PDS5A: variants seen among roughly 807,000 people sequenced by gnomAD.
The protein encoded by PDS5A is PDS5 cohesin associated factor A.
In PDS5A, 42 loss-of-function variants were observed where a neutral mutation model predicts 167.1. The observed-to-expected ratio is 0.25, with a 90% CI of 0.20 to 0.33. The LOEUF is 0.33. PDS5A is among the 10% of genes least tolerant of loss of function. The pLI is 1.00. For missense variants in PDS5A, 1,033 were observed against 1,605.9 expected, an observed-to-expected ratio of 0.64 and a Z score of 6.10; for synonymous variants, 553 against 554.6, an observed-to-expected ratio of 1.00 and a Z score of 0.04.
chr4:39,951,920 A>AAAG (rs58625322), intron 2 of PDS5A, among the ~76,000 whole-genome samples: 1 of 150,928 alleles, frequency 6.6e-6, no homozygotes, highest in African/African-American at 2.4e-5. Context: ...AAAAAAAAAA[A>AAAG]TCTGTATCAC....
At chr4:39,925,471 C>A (rs1725374253) in intron 5 of PDS5A, among the ~76,000 whole-genome samples, 1 of 152,160 alleles carries the variant, frequency 6.6e-6, no homozygotes, top group African/African-American at 2.4e-5. Context: ...TTTAATACTT[C>A]ATTGTATTAA....
intron 26 of PDS5A, among the ~76,000 whole-genome samples, chr4:39,851,218 A>G (rs1449853774): frequency 6.6e-6 from 1 of 152,208 alleles, no homozygotes; most frequent in Admixed American, 6.5e-5. Context: ...CATTAGGCTA[A>G]GCACTTTACC....
intron 7 of PDS5A, among the ~76,000 whole-genome samples, chr4:39,919,197 G>A (rs1016168709): frequency 6.6e-6 from 1 of 151,532 alleles, no homozygotes; most frequent in African/African-American, 2.4e-5. Flanking sequence ...ATATATAAAT[G>A]TTAGATTCAC....
intron 17 of PDS5A, among the ~76,000 whole-genome samples, chr4:39,888,490 C>T (rs1185814661): frequency 6.6e-6 from 1 of 151,786 alleles, no homozygotes; most frequent in Non-Finnish European, 1.5e-5. Context: ...GAGATATCTG[C>T]AGTCCTATGT....
intron 32 of PDS5A, among the ~76,000 whole-genome samples, chr4:39,830,808 GATCT>G (rs930973356): frequency 1.8e-4 from 28 of 152,250 alleles, no homozygotes; most frequent in Middle Eastern, 3.4e-3. Context: ...AAAAACATCT[GATCT>G]ATCTCTCGGT....
At chr4:39,965,396 T>C (rs1259136226) in intron 2 of PDS5A, among the ~76,000 whole-genome samples, 1 of 152,188 alleles carries the variant, frequency 6.6e-6, no homozygotes, top group East Asian at 1.9e-4. Context: ...GTGAGCCCAG[T>C]AGCCATGTGT....
chr4:39,948,312 CTTTTTTTTTTT>C (rs552182165), intron 2 of PDS5A, among the ~76,000 whole-genome samples: 1 of 80,912 alleles, frequency 1.2e-5, no homozygotes. Flanking sequence ...TGAATCAAAC[CTTTTTTTTTTT>C]TTTTTTTTTT....
intron 31 of PDS5A, 84 bp downstream of exon 31, chr4:39,841,864 T>A (rs1717055204): frequency 1.1e-5 from 8 of 721,122 alleles, no homozygotes; most frequent in Non-Finnish European, 2.0e-5. Flanking sequence ...TGCATTGAAG[T>A]GTTGGCTGTA....
At chr4:39,832,464 C>T (rs1294436657) in intron 32 of PDS5A, among the ~76,000 whole-genome samples, 1 of 151,960 alleles carries the variant, frequency 6.6e-6, no homozygotes, top group Non-Finnish European at 1.5e-5. Context: ...CCACCCGCCT[C>T]CCAAAGTGCT....
At chr4:39,871,831 A>G (rs561802415) in intron 21 of PDS5A, among the ~76,000 whole-genome samples, 55 of 150,118 alleles carry the variant, frequency 3.7e-4, no homozygotes, top group Non-Finnish European at 5.9e-4. Context: ...AGCCTCCCGA[A>G]TAGCTGGGAT....
chr4:39,850,476 A>G (rs1227123605), intron 26 of PDS5A, among the ~76,000 whole-genome samples: 2 of 152,066 alleles, frequency 1.3e-5, no homozygotes, highest in Non-Finnish European at 2.9e-5. Flanking sequence ...ACCCTCTCAA[A>G]AGAAAACACA....
At chr4:39,893,079 C>G (rs1382736017) in intron 16 of PDS5A, among the ~76,000 whole-genome samples, 1 of 152,184 alleles carries the variant, frequency 6.6e-6, no homozygotes, top group African/African-American at 2.4e-5. Context: ...AAACGATATT[C>G]AAACCAAGGA....
At position 39,974,024 on chromosome 4, in the gene PDS5A, G is replaced by T. The variant is rs976508970; in HGVS notation, c.138+2416C>A. 6.5e-6 allele frequency: 3 copies of T among 461,006 alleles called. No individual in the cohort carries two copies. The Admixed American group carries it at 9.4e-5, about 14-fold the overall frequency. The allele number at this position is 461,006 out of a possible 1,614,324, so 28.6% of individuals were successfully genotyped here. On this transcript the variant is annotated intron_variant, in intron 2 of 32. Coordinates refer to ENST00000303538, the MANE Select transcript of PDS5A (RefSeq NM_001100399.2). ...GCCCGTGGTCCCAGCTACTCGGGAG[G>T]CTGAGGCAGGAGAATGGCGTGAACC...
intron 9 of PDS5A, 127 bp downstream of exon 9, chr4:39,913,484 A>T (rs1476009599): frequency 1.7e-6 from 1 of 589,958 alleles, no homozygotes; most frequent in Non-Finnish European, 3.0e-6. Flanking sequence ...AGAAGGATGG[A>T]AACACAGATG....
chr4:39,954,324 C>T (rs762665961), intron 2 of PDS5A, among the ~76,000 whole-genome samples: 2 of 151,998 alleles, frequency 1.3e-5, no homozygotes, highest in African/African-American at 4.8e-5. Flanking sequence ...GGTGCCACTG[C>T]ACCTCAGCCT....
intron 7 of PDS5A, among the ~76,000 whole-genome samples, chr4:39,919,369 G>A: frequency 6.6e-6 from 1 of 152,136 alleles, no homozygotes; most frequent in East Asian, 1.9e-4. Flanking sequence ...AAAATAGCCG[G>A]GTGCGGTGGC....
chr4:39,833,322 A>G (rs1336487267), intron 32 of PDS5A, among the ~76,000 whole-genome samples: 1 of 152,116 alleles, frequency 6.6e-6, no homozygotes, highest in East Asian at 1.9e-4. Flanking sequence ...GAATGGCGAA[A>G]TCACTGATGC....
intron 2 of PDS5A, among the ~76,000 whole-genome samples, chr4:39,961,620 C>T (rs1300848918): frequency 6.6e-6 from 1 of 152,144 alleles, no homozygotes; most frequent in Non-Finnish European, 1.5e-5. Flanking sequence ...TCTGGAACTA[C>T]AGAGCTCAAG....
chr4:39,828,945 T>C (rs1369686079), intron 32 of PDS5A, among the ~76,000 whole-genome samples: 9 of 152,306 alleles, frequency 5.9e-5, no homozygotes, highest in African/African-American at 2.2e-4. Flanking sequence ...GGAGTTAGAA[T>C]GCAGGGCCAC....
Sources: allele counts gnomAD v4.1 joint callset (sites outside exome capture counted in the v4.1 genomes callset), GRCh38; gene constraint gnomAD v4.1.1; transcripts MANE v1.5; gene names NCBI Gene and HGNC (gene_info 2026-07-23, HGNC 2026-07-21).